SGCZ: variants seen among roughly 807,000 people sequenced by gnomAD.
SGCZ encodes zeta-sarcoglycan.
Under a neutral mutation model 41.3 loss-of-function variants are expected in SGCZ, and 40 were observed. That is an observed-to-expected ratio of 0.97 (90% confidence interval 0.75 to 1.26). The LOEUF is 1.26. SGCZ is among the 50% of genes most tolerant of loss of function. SGCZ has a pLI of 0.00. For synonymous variants in SGCZ, 206 were observed against 137.5 expected (o/e 1.50, Z -3.49); for missense variants, 552 against 369.8 (o/e 1.49, Z -4.04).
rs188031130 is a variant in SGCZ, at chr8:14,229,980, T to C, written c.424+7612A>G. On this transcript the variant is annotated intron_variant, in intron 4 of 7. Coordinates refer to ENST00000382080, the MANE Select transcript of SGCZ (RefSeq NM_139167.4). ...AAACTTTTTATATGCCATAACTTGATGAAAGAGTAAAAGCATAGCTAGGAT... is the reference window on the plus strand; with the variant it reads ...AAACTTTTTATATGCCATAACTTGACGAAAGAGTAAAAGCATAGCTAGGAT... Among the ~76,000 whole-genome samples, 3 of 152,234 alleles carry C rather than the reference T, an allele frequency of 2.0e-5. No individual in the cohort carries two copies. In the East Asian group the frequency reaches 5.8e-4, roughly 29 times the overall value.
chr8:14,347,195 A>G (rs765547344), intron 2 of SGCZ, among the ~76,000 whole-genome samples: 12 of 152,098 alleles, frequency 7.9e-5, no homozygotes, highest in Admixed American at 2.0e-4. Context: ...ACGATCTAAC[A>G]TTTGATAGAG....
chr8:14,527,636 GA>G (rs1250950552), intron 2 of SGCZ, among the ~76,000 whole-genome samples: 2 of 152,042 alleles, frequency 1.3e-5, no homozygotes, highest in African/African-American at 4.8e-5. Context: ...AGGTACACAT[GA>G]CTATTTAAGC....
chr8:14,776,771 G>A (rs990231587), intron 1 of SGCZ, among the ~76,000 whole-genome samples: 2 of 152,014 alleles, frequency 1.3e-5, no homozygotes, highest in Non-Finnish European at 2.9e-5. Context: ...GGGATTACAG[G>A]CGTGAGCTAT....
intron 2 of SGCZ, among the ~76,000 whole-genome samples, chr8:14,457,297 C>T (rs985399350): frequency 3.3e-5 from 5 of 152,208 alleles, no homozygotes; most frequent in Non-Finnish European, 7.3e-5. Context: ...TATGCCCACA[C>T]AGGGCCACCA....
intron 3 of SGCZ, among the ~76,000 whole-genome samples, chr8:14,293,416 T>C (rs747816744): frequency 3.4e-4 from 52 of 151,986 alleles, no homozygotes; most frequent in Non-Finnish European, 6.9e-4. Context: ...GAAATTCCAA[T>C]GGTCAAACTA....
At chr8:14,573,936 T>C (rs1039940795) in intron 1 of SGCZ, among the ~76,000 whole-genome samples, 3 of 152,118 alleles carry the variant, frequency 2.0e-5, no homozygotes, top group African/African-American at 7.2e-5. Context: ...AGGAACTAGA[T>C]GTCCTTAAGG....
chr8:14,834,864 C>T (rs1309229965), intron 1 of SGCZ, among the ~76,000 whole-genome samples: 3 of 152,120 alleles, frequency 2.0e-5, no homozygotes, highest in Admixed American at 6.5e-5. Flanking sequence ...ACTTTCTCTC[C>T]CAGGACCCTC....
intron 1 of SGCZ, among the ~76,000 whole-genome samples, chr8:14,910,400 G>C (rs1799248745): frequency 6.6e-6 from 1 of 151,950 alleles, no homozygotes; most frequent in African/African-American, 2.4e-5. Context: ...CTCAGTGTTT[G>C]TAGCATTTAC....
intron 1 of SGCZ, among the ~76,000 whole-genome samples, chr8:15,195,491 C>A (rs1800693342): frequency 6.6e-6 from 1 of 152,174 alleles, no homozygotes; most frequent in Non-Finnish European, 1.5e-5. Flanking sequence ...CTAACCTGAG[C>A]ATCCTTTTGT....
chr8:14,562,936 C>T (rs1277875814), intron 1 of SGCZ, among the ~76,000 whole-genome samples: 2 of 152,166 alleles, frequency 1.3e-5, no homozygotes, highest in Non-Finnish European at 2.9e-5. Context: ...GTCAGCAAAT[C>T]ACCCAGTCAA....
At chr8:14,949,326 C>G (rs1361417793) in intron 1 of SGCZ, among the ~76,000 whole-genome samples, 1 of 152,042 alleles carries the variant, frequency 6.6e-6, no homozygotes, top group Non-Finnish European at 1.5e-5. Context: ...TATTGCTGTA[C>G]TTTTGACCTT....
intron 1 of SGCZ, among the ~76,000 whole-genome samples, chr8:15,204,077 A>G (rs1800982483): frequency 6.6e-6 from 1 of 152,228 alleles, no homozygotes; most frequent in African/African-American, 2.4e-5. Context: ...ATTATGACCA[A>G]TTATAGTAGC....
chr8:14,308,614 T>TA (rs914710123), intron 3 of SGCZ, among the ~76,000 whole-genome samples: 4 of 151,776 alleles, frequency 2.6e-5, no homozygotes, highest in Admixed American at 1.3e-4. Context: ...ATGCCACGTC[T>TA]AAAAAAAATT....
At chr8:14,343,373 A>T (rs1360463723) in intron 2 of SGCZ, among the ~76,000 whole-genome samples, 1 of 152,190 alleles carries the variant, frequency 6.6e-6, no homozygotes, top group East Asian at 1.9e-4. Context: ...AAAGCCACAG[A>T]CACTCAACAC....
At chr8:14,157,871 A>G (rs887642888) in intron 5 of SGCZ, among the ~76,000 whole-genome samples, 1 of 152,176 alleles carries the variant, frequency 6.6e-6, no homozygotes, top group African/African-American at 2.4e-5. Flanking sequence ...GATTTCCTAT[A>G]GATCATGATG....
At chr8:14,788,065 C>T (rs1321063511) in intron 1 of SGCZ, among the ~76,000 whole-genome samples, 1 of 152,062 alleles carries the variant, frequency 6.6e-6, no homozygotes, top group African/African-American at 2.4e-5. Flanking sequence ...AAAGATGCAT[C>T]ATATTTACCA....
chr8:14,767,700 C>A (rs1203589006), intron 1 of SGCZ, among the ~76,000 whole-genome samples: 1 of 152,138 alleles, frequency 6.6e-6, no homozygotes, highest in African/African-American at 2.4e-5. Context: ...CACAAGAGAG[C>A]AAAGACAGTG....
intron 1 of SGCZ, among the ~76,000 whole-genome samples, chr8:14,872,171 C>A (rs891746976): frequency 2.0e-5 from 3 of 151,684 alleles, no homozygotes; most frequent in Admixed American, 6.6e-5. Context: ...CCTGACAGGG[C>A]ATGAGGGGCT....
At chr8:14,551,463 A>C (rs1484260537) in intron 2 of SGCZ, among the ~76,000 whole-genome samples, 1 of 10,976 alleles carries the variant, frequency 9.1e-5, no homozygotes, top group African/African-American at 3.7e-4. Context: ...TATTATATAT[A>C]TTATATATAT....
Sources: allele counts gnomAD v4.1 joint callset (sites outside exome capture counted in the v4.1 genomes callset), GRCh38; gene constraint gnomAD v4.1.1; transcripts MANE v1.5; gene names NCBI Gene and HGNC (gene_info 2026-07-23, HGNC 2026-07-21).